TMEM63C: variants seen among roughly 807,000 people sequenced by gnomAD.
TMEM63C encodes transmembrane protein 63C.
Under a neutral mutation model 99.2 loss-of-function variants are expected in TMEM63C, and 32 were observed. The ratio of observed to expected loss-of-function variants is 0.32; its 90% CI spans 0.24 to 0.43. TMEM63C has a LOEUF of 0.43. Among genes scored for constraint, TMEM63C ranks in the 20% least tolerant of loss-of-function variants. The pLI, the probability that TMEM63C is intolerant of heterozygous loss-of-function variation, is 1.00. For missense variants in TMEM63C, 826 were observed against 1,053.0 expected (o/e 0.78, Z 2.98); for synonymous variants, 376 against 397.9 (o/e 0.94, Z 0.66).
chr14:77,194,336 ATGTGTGTG>A (rs36201483), intron 1 of TMEM63C, among the ~76,000 whole-genome samples: 5,360 of 87,492 alleles, frequency 0.061, 140 homozygotes, highest in Admixed American at 0.11. Context: ...ATATATATAT[ATGTGTGTG>A]TGTGTGTGTG....
chr14:77,184,681 A>G (rs10151583), intron 1 of TMEM63C, among the ~76,000 whole-genome samples: 3,218 of 152,212 alleles, frequency 0.021, 113 homozygotes, highest in African/African-American at 0.074. Context: ...TGGGGCCCCA[A>G]TGCTCACTCT....
chr14:77,182,748 G>C (rs1378693723), intron 1 of TMEM63C, among the ~76,000 whole-genome samples: 1 of 152,164 alleles, frequency 6.6e-6, no homozygotes, highest in East Asian at 1.9e-4. Flanking sequence ...GATTGTCTGG[G>C]GACAGGAGAA....
At chr14:77,239,839 A>G in intron 12 of TMEM63C, 113 bp downstream of exon 12, 1 of 1,404,278 alleles carries the variant, frequency 7.1e-7, no homozygotes, top group East Asian at 2.5e-5. Context: ...GGTCTGCTCT[A>G]GTGCTCCCCA....
chr14:77,208,828 G>A (rs753726786), intron 1 of TMEM63C, among the ~76,000 whole-genome samples: 14 of 152,178 alleles, frequency 9.2e-5, no homozygotes, highest in Admixed American at 3.3e-4. Flanking sequence ...CCCTGCCCAC[G>A]AGCCCTGGCA....
chr14:77,251,712 G>C, intron 21 of TMEM63C, 77 bp from the exon 22 acceptor site: 1 of 1,180,514 alleles, frequency 8.5e-7, no homozygotes. Flanking sequence ...GTGCTGTGAC[G>C]GTCCCTGGCA....
intron 1 of TMEM63C, among the ~76,000 whole-genome samples, chr14:77,195,342 G>T (rs542551991): frequency 1.3e-5 from 2 of 152,260 alleles, no homozygotes; most frequent in East Asian, 3.9e-4. Flanking sequence ...TGCAGAGACT[G>T]GGCTCCTGTG....
At chr14:77,205,295 C>A (rs1358603170) in intron 1 of TMEM63C, among the ~76,000 whole-genome samples, 2 of 152,232 alleles carry the variant, frequency 1.3e-5, no homozygotes, top group African/African-American at 4.8e-5. Flanking sequence ...GATTCCATCA[C>A]AGCCTGGTCC....
intron 8 of TMEM63C, among the ~76,000 whole-genome samples, chr14:77,235,231 A>G (rs1889016484): frequency 6.6e-6 from 1 of 151,484 alleles, no homozygotes; most frequent in Admixed American, 6.6e-5. Flanking sequence ...CTGGACTCCA[A>G]GAAGGTGTTC....
intron 20 of TMEM63C, 120 bp from the exon 21 acceptor site, chr14:77,249,171 C>A: frequency 6.4e-6 from 7 of 1,097,508 alleles, no homozygotes; most frequent in African/African-American, 3.1e-5. Context: ...CCCAACCCAT[C>A]CTTGGTTGTT....
At position 77,236,760 on chromosome 14, in the gene TMEM63C, C is replaced by T. The variant is rs778416766; in HGVS notation, c.651+28C>T. On this transcript the variant is annotated intron_variant, in intron 9 of 23. Coordinates refer to ENST00000298351, the MANE Select transcript of TMEM63C (RefSeq NM_020431.4). ...AAGTAGCCTACAAAGCTGCTTCCCA[C>T]TGTGGGAAGCTGGGGTCCCTCCCCA... The T allele has an allele frequency of 2.0e-6, 3 of 1,517,474 alleles. No individual in the cohort carries two copies. In the Admixed American group the frequency reaches 5.0e-5, roughly 25 times the overall value. 94.0% of individuals were successfully genotyped at this position (1,517,474 alleles called of 1,614,324 possible). A position where few individuals can be genotyped will look rare whatever the true frequency, so the allele number is the denominator to read the frequency against.
chr14:77,220,865 C>CCCCGCCTCCCACTCACGT (rs1566623219), intron 5 of TMEM63C, among the ~76,000 whole-genome samples: 11 of 115,688 alleles, frequency 9.5e-5, no homozygotes, highest in African/African-American at 4.0e-4. Context: ...CTCACTCACG[C>CCCCGCCTCCCACTCACGT]CCCGCCTCCC....
intron 6 of TMEM63C, among the ~76,000 whole-genome samples, chr14:77,229,232 C>T (rs1396255927): frequency 4.6e-5 from 7 of 151,774 alleles, no homozygotes; most frequent in South Asian, 2.1e-4. Context: ...GGTGAAACTC[C>T]GTCTCTACTA....
In TMEM63C at chr14:77,242,910, C is replaced by G; in HGVS notation, c.1195C>G (p.Leu399Val). 1 of 1,614,034 alleles carries G rather than the reference C, an allele frequency of 6.2e-7. No homozygotes were observed. The highest frequency in any genetic ancestry group is 8.5e-7 in the Non-Finnish European group (1 of 1,179,900). ...PHPKDIIWKHLSVRRFFWWAR... is the reference protein window; with the variant it reads ...PHPKDIIWKHVSVRRFFWWAR... The stretch of plus-strand genomic sequence containing the variant: ...TCTTCCATCCTTCCCCAGGAAACAC[C>G]TGTCTGTCCGCCGCTTCTTTTGGTG... The change falls in exon 15 of 24, where the codon CTG becomes GTG. Residue 399 changes from leucine (L) to valine (V), a missense_variant. By Grantham distance (32) the Leu-to-Val change is conservative. Coordinates refer to ENST00000298351, the MANE Select transcript of TMEM63C (RefSeq NM_020431.4).
intron 6 of TMEM63C, among the ~76,000 whole-genome samples, chr14:77,229,878 CA>C (rs1317576787): frequency 1.3e-5 from 2 of 151,948 alleles, no homozygotes; most frequent in Non-Finnish European, 2.9e-5. Context: ...TGAAGTATAG[CA>C]TGCACATGGA....
intron 1 of TMEM63C, among the ~76,000 whole-genome samples, chr14:77,187,944 G>A (rs1339438977): frequency 6.6e-6 from 1 of 152,170 alleles, no homozygotes; most frequent in Non-Finnish European, 1.5e-5. Flanking sequence ...TTTGTGTGTG[G>A]GGCGGGGGGA....
intron 23 of TMEM63C, among the ~76,000 whole-genome samples, chr14:77,254,361 G>A (rs948579957): frequency 5.3e-5 from 8 of 152,250 alleles, no homozygotes; most frequent in East Asian, 1.9e-4. Context: ...AGAAGTCACC[G>A]GAGTGCCAGG....
chr14:77,182,203 C>T, intron 1 of TMEM63C, among the ~76,000 whole-genome samples: 1 of 151,992 alleles, frequency 6.6e-6, no homozygotes, highest in East Asian at 1.9e-4. Flanking sequence ...TTGGGGGGTC[C>T]CCGGCCTCCT....
At chr14:77,253,903 C>T (rs1462024380) in intron 23 of TMEM63C, among the ~76,000 whole-genome samples, 4 of 152,128 alleles carry the variant, frequency 2.6e-5, no homozygotes, top group South Asian at 4.1e-4. Flanking sequence ...CACAGTGGCT[C>T]GGCCTGAAGG....
At chr14:77,233,609 G>C (rs891563452) in intron 8 of TMEM63C, 109 bp downstream of exon 8, 1 of 1,186,210 alleles carries the variant, frequency 8.4e-7, no homozygotes, top group Middle Eastern at 1.9e-4. Flanking sequence ...GATAAGAAAG[G>C]CCTGGTTTCC....
Sources: gnomAD v4.1 joint callset for allele counts (sites outside exome capture counted in the v4.1 genomes callset) on GRCh38, gnomAD v4.1.1 for gene constraint, MANE v1.5 for transcripts, NCBI Gene and HGNC (gene_info 2026-07-23, HGNC 2026-07-21) for gene names.